DCAF8L2: variants seen among roughly 807,000 people sequenced by gnomAD.
DCAF8L2 encodes the protein DDB1- and CUL4-associated factor 8-like protein 2.
For synonymous variants in DCAF8L2, 200 were observed against 190.9 expected, an observed-to-expected ratio of 1.05 and a Z score of -0.39; for missense variants, 430 against 490.7, an observed-to-expected ratio of 0.88 and a Z score of 1.17.
the DCAF8L2 span, among the ~76,000 whole-genome samples, chrX:27,512,779 C>CAAAAAAAAAAAACAAA: frequency 5.4e-5 from 1 of 18,548 alleles, no homozygotes; most frequent in Non-Finnish European, 8.7e-5. Context: ...CAATCTTGAG[C>CAAAAAAAAAAAACAAA]AAAAAAAAAA....
chrX:27,621,809 A>T (rs988637212), intron 1 of DCAF8L2, among the ~76,000 whole-genome samples: 6 of 110,276 alleles, frequency 5.4e-5, no homozygotes, highest in African/African-American at 2.0e-4. Context: ...CCTGGGCAAC[A>T]CAGTGAGATC....
At chrX:27,711,563 T>C (rs1429940326) in intron 3 of DCAF8L2, among the ~76,000 whole-genome samples, 3 of 109,322 alleles carry the variant, frequency 2.7e-5, no homozygotes, top group Non-Finnish European at 5.7e-5. Flanking sequence ...CACTTTACTA[T>C]TTATATCCCA....
chrX:27,727,258 T>C (rs1484516786), intron 4 of DCAF8L2, among the ~76,000 whole-genome samples: 2 of 111,815 alleles, frequency 1.8e-5, no homozygotes, highest in Non-Finnish European at 3.8e-5. Flanking sequence ...CATTAATCTA[T>C]ATGTCTCATT....
chrX:27,624,996 A>T (rs770197821), intron 1 of DCAF8L2, among the ~76,000 whole-genome samples: 4 of 112,298 alleles, frequency 3.6e-5, no homozygotes, highest in Non-Finnish European at 5.6e-5. Context: ...AAAATTGGCA[A>T]ATGGAATCTA....
At chrX:27,511,727 C>T in the DCAF8L2 span, among the ~76,000 whole-genome samples, 5 of 111,430 alleles carry the variant, frequency 4.5e-5, no homozygotes, top group Admixed American at 9.6e-5. Flanking sequence ...GTAAAAGTGG[C>T]GATAATTTTA....
At chrX:27,518,200 T>A in the DCAF8L2 span, 7 of 913,066 alleles carry the variant, frequency 7.7e-6, no homozygotes, top group Non-Finnish European at 1.1e-5. Context: ...TTTGGCTTCC[T>A]ATGCTGTCCA....
chrX:27,680,811 A>T (rs181844265), intron 3 of DCAF8L2, among the ~76,000 whole-genome samples: 2 of 112,481 alleles, frequency 1.8e-5, no homozygotes, highest in East Asian at 5.6e-4. Flanking sequence ...GTGGAGATAC[A>T]TTTGAGATCT....
intron 2 of DCAF8L2, among the ~76,000 whole-genome samples, chrX:27,647,830 G>A (rs1287784787): frequency 2.7e-5 from 3 of 111,430 alleles, no homozygotes; most frequent in Non-Finnish European, 5.7e-5. Context: ...TCTAGACTTG[G>A]GTTCAGGGAA....
At chrX:27,653,622 G>C (rs745890509) in intron 2 of DCAF8L2, among the ~76,000 whole-genome samples, 1 of 108,920 alleles carries the variant, frequency 9.2e-6, no homozygotes. Flanking sequence ...CTGAGTACAC[G>C]TATATCTAGC....
At chrX:27,716,366 T>C (rs1035258199) in intron 4 of DCAF8L2, among the ~76,000 whole-genome samples, 195 bp downstream of exon 4, 1 of 112,504 alleles carries the variant, frequency 8.9e-6, no homozygotes, top group African/African-American at 3.2e-5. Flanking sequence ...CTAATAAAAG[T>C]ACTTGAATAT....
At chrX:27,701,999 T>C (rs1212070537) in intron 3 of DCAF8L2, among the ~76,000 whole-genome samples, 1 of 111,089 alleles carries the variant, frequency 9.0e-6, no homozygotes, top group Non-Finnish European at 1.9e-5. Context: ...AGACTTGTCT[T>C]CTATTAATAT....
At chrX:27,516,369 G>T in the DCAF8L2 span, among the ~76,000 whole-genome samples, 1 of 110,472 alleles carries the variant, frequency 9.1e-6, no homozygotes, top group African/African-American at 3.3e-5. Context: ...CAGTGATCTA[G>T]AAACCAAATA....
chrX:27,473,374 T>G, the DCAF8L2 span, among the ~76,000 whole-genome samples: 2 of 111,811 alleles, frequency 1.8e-5, no homozygotes, highest in South Asian at 3.7e-4. Flanking sequence ...ATGTAACAAC[T>G]TCCACAGATG....
chrX:27,681,996 C>T (rs1218344143), intron 3 of DCAF8L2, among the ~76,000 whole-genome samples: 1 of 111,665 alleles, frequency 9.0e-6, no homozygotes, highest in Non-Finnish European at 1.9e-5. Context: ...CAAGGTCTCG[C>T]TCTGTCACCC....
intron 3 of DCAF8L2, among the ~76,000 whole-genome samples, chrX:27,715,791 G>C (rs1313791389): frequency 9.0e-6 from 1 of 111,714 alleles, no homozygotes. Context: ...GGTCATTTCT[G>C]CCTCAATAAC....
chrX:27,671,791 T>G (rs985969872), intron 2 of DCAF8L2, among the ~76,000 whole-genome samples: 1 of 112,075 alleles, frequency 8.9e-6, no homozygotes. Context: ...TTTCTGTCAC[T>G]TTCAACTAAA....
chrX:27,558,078 A>G, the DCAF8L2 span, among the ~76,000 whole-genome samples: 8 of 111,508 alleles, frequency 7.2e-5, no homozygotes, highest in African/African-American at 2.3e-4. Context: ...GGCATGACGC[A>G]GATCCTCACT....
chrX:27,471,501 T>C, the DCAF8L2 span, among the ~76,000 whole-genome samples: 27 of 111,269 alleles, frequency 2.4e-4, no homozygotes, highest in African/African-American at 7.5e-4. Flanking sequence ...CCTTCGTGCA[T>C]ATCTTTTTCC....
the DCAF8L2 span, among the ~76,000 whole-genome samples, chrX:27,547,605 G>A: frequency 3.2e-5 from 3 of 93,463 alleles, no homozygotes; most frequent in Non-Finnish European, 7.1e-5. Flanking sequence ...GAACATGTGA[G>A]AGTGCAGGAA....
Sources: gnomAD v4.1 joint callset for allele counts (sites outside exome capture counted in the v4.1 genomes callset) on GRCh38, gnomAD v4.1.1 for gene constraint, MANE v1.5 for transcripts, NCBI Gene and HGNC (gene_info 2026-07-23, HGNC 2026-07-21) for gene names.